The following GSAP variants were observed in gnomAD, a reference collection of about 807,000 sequenced individuals.
The protein encoded by GSAP is gamma-secretase activating protein, also known as gamma-secretase-activating protein.
Under a neutral mutation model 131.7 loss-of-function variants are expected in GSAP, and 118 were observed. The ratio of observed to expected loss-of-function variants is 0.90; its 90% confidence interval spans 0.77 to 1.04. GSAP has a LOEUF of 1.04. Among genes scored for constraint, GSAP ranks in the 50% least tolerant of loss-of-function variants. The pLI is 0.00. For synonymous variants in GSAP, 381 were observed against 363.4 expected (o/e 1.05, Z -0.55); for missense variants, 1,019 against 1,013.2 (o/e 1.01, Z -0.08).
At chr7:77,331,271 A>G (rs528323061) in intron 19 of GSAP, among the ~76,000 whole-genome samples, 72 of 152,376 alleles carry the variant, frequency 4.7e-4, no homozygotes, top group African/African-American at 1.7e-3. Flanking sequence ...ACTGCACTCC[A>G]GCCTGGGTGA....
intron 1 of GSAP, among the ~76,000 whole-genome samples, chr7:77,406,774 A>G (rs1037637803): frequency 6.6e-6 from 1 of 152,214 alleles, no homozygotes; most frequent in South Asian, 2.1e-4. Context: ...GACCCTCCCA[A>G]AAAGGTTCCT....
At chr7:77,342,372 TC>T (rs758254738) in intron 19 of GSAP, among the ~76,000 whole-genome samples, 8 of 152,104 alleles carry the variant, frequency 5.3e-5, no homozygotes, top group Non-Finnish European at 7.3e-5. Flanking sequence ...CCCTTAAAAC[TC>T]CCCCAACTCT....
chr7:77,326,469 G>C lies in GSAP; in HGVS notation c.1766-196C>G, dbSNP rs187271394. The C allele has an allele frequency of 1.0e-5, 5 of 482,432 alleles. No individual in the cohort carries two copies. In the Admixed American group the frequency reaches 1.6e-4, roughly 15 times the overall value. The allele number at this position is 482,432 out of a possible 1,614,324, so 29.9% of individuals were successfully genotyped here. On this transcript the variant is annotated intron_variant, in intron 22 of 30. Transcript: ENST00000257626. Reference sequence around the variant, plus strand: ...GAGCTGTGTGAAACAGGGAATGACCGAGAAAGAAAGAAACCAACACATTCC... The same window carrying C: ...GAGCTGTGTGAAACAGGGAATGACCCAGAAAGAAAGAAACCAACACATTCC...
chr7:77,395,140 G>A (rs1271385310), intron 5 of GSAP, among the ~76,000 whole-genome samples: 1 of 151,760 alleles, frequency 6.6e-6, no homozygotes, highest in Non-Finnish European at 1.5e-5. Flanking sequence ...CTACTGTTCT[G>A]TGTGACAGTC....
At chr7:77,386,073 G>A (rs1007850704) in intron 6 of GSAP, among the ~76,000 whole-genome samples, 3 of 152,120 alleles carry the variant, frequency 2.0e-5, no homozygotes, top group East Asian at 1.9e-4. Context: ...TACAAAGGGA[G>A]TTGATCATAA....
chr7:77,384,561 T>A (rs1798268646), intron 6 of GSAP, among the ~76,000 whole-genome samples: 2 of 152,152 alleles, frequency 1.3e-5, no homozygotes, highest in African/African-American at 4.8e-5. Context: ...TATTGGTCTT[T>A]GGAGGTCTGT....
chr7:77,402,517 C>T (rs913101209), intron 3 of GSAP, among the ~76,000 whole-genome samples: 2 of 141,324 alleles, frequency 1.4e-5, no homozygotes, highest in Non-Finnish European at 3.0e-5. Flanking sequence ...TTTGCTTGAA[C>T]CCAGGAGGCG....
In GSAP at chr7:77,339,621, A is replaced by C. The variant is rs576794863; in HGVS notation, c.1546-9254T>G. On this transcript the variant is annotated intron_variant, in intron 19 of 30. Transcript: ENST00000257626. The stretch of plus-strand genomic sequence containing the variant: ...AACAACTGTCTGCAGAGCCAAATAC[A>C]AAAGCTATGGGTAGAGGAGAAAAAC... Among the ~76,000 whole-genome samples the C allele has an allele frequency of 8.5e-5, 13 of 152,296 alleles. No individual in the cohort carries two copies. The East Asian group carries it at 2.3e-3, about 27-fold the overall frequency.
intron 8 of GSAP, among the ~76,000 whole-genome samples, chr7:77,377,613 T>C (rs2151014536): frequency 6.6e-6 from 1 of 152,294 alleles, no homozygotes; most frequent in East Asian, 1.9e-4. Flanking sequence ...TAATATATGA[T>C]TTTATTCCTG....
chr7:77,408,196 T>C (rs1436634455), intron 1 of GSAP, among the ~76,000 whole-genome samples: 2 of 152,262 alleles, frequency 1.3e-5, no homozygotes, highest in Non-Finnish European at 2.9e-5. Context: ...ACTTGTGTCC[T>C]TGTCTATATG....
At chr7:77,344,679 G>A (rs1791521855) in intron 19 of GSAP, among the ~76,000 whole-genome samples, 1 of 152,124 alleles carries the variant, frequency 6.6e-6, no homozygotes, top group African/African-American at 2.4e-5. Flanking sequence ...CTCCCTTTTA[G>A]AGTGGATAGA....
At chr7:77,402,381 TAAAA>T (rs1180045969) in intron 3 of GSAP, among the ~76,000 whole-genome samples, 12 of 92,038 alleles carry the variant, frequency 1.3e-4, no homozygotes, top group African/African-American at 4.7e-4. Context: ...CCATCTCTAC[TAAAA>T]AAAAAAAAAG....
At chr7:77,359,336 G>T (rs1025627370) in intron 14 of GSAP, among the ~76,000 whole-genome samples, 2 of 152,122 alleles carry the variant, frequency 1.3e-5, no homozygotes, top group African/African-American at 4.8e-5. Context: ...AATCAGAATT[G>T]CTGTAGGGAG....
chr7:77,411,158 A>C (rs539420233), intron 1 of GSAP, among the ~76,000 whole-genome samples: 5 of 151,720 alleles, frequency 3.3e-5, no homozygotes, highest in Non-Finnish European at 7.4e-5. Flanking sequence ...CTGGCCCCCA[A>C]ATCAATCTAG....
chr7:77,327,038 G>A (rs993489679), intron 22 of GSAP: 1 of 152,164 alleles, frequency 6.6e-6, no homozygotes, highest in Non-Finnish European at 1.5e-5. Flanking sequence ...GACCCCCCGG[G>A]ATAAATCTTC....
chr7:77,397,057 T>C (rs762142627), intron 4 of GSAP, 22 bp from the exon 5 acceptor site: 2 of 1,522,590 alleles, frequency 1.3e-6, no homozygotes, highest in Non-Finnish European at 1.8e-6. Context: ...AGAAAAAAAA[T>C]CCATTAGCAA....
At chr7:77,350,427 TAAAAAA>T (rs751767423) in intron 18 of GSAP, among the ~76,000 whole-genome samples, 1 of 133,654 alleles carries the variant, frequency 7.5e-6, no homozygotes, top group Non-Finnish European at 1.6e-5. Flanking sequence ...GTATAATAAT[TAAAAAA>T]AAAAAAAAAG....
At chr7:77,413,759 AAG>A (rs1440963400) in intron 1 of GSAP, among the ~76,000 whole-genome samples, 2 of 152,212 alleles carry the variant, frequency 1.3e-5, no homozygotes, top group African/African-American at 4.8e-5. Flanking sequence ...GGATGAGAGA[AAG>A]AAATAGAATC....
Position 77,360,900 on chromosome 7 carries a change from T to C in GSAP, c.951A>G (p.Gly317=). The part of the protein sequence containing the change: ...ITYSVFYIHK[G]HSKTFTTSLE... Reference sequence around the variant, plus strand: ...GAGAAGTGGTGAAGGTCTTGCTGTGTCCTGCAAAGAGAGAATATGAAGCCA... The same window carrying C: ...GAGAAGTGGTGAAGGTCTTGCTGTGCCCTGCAAAGAGAGAATATGAAGCCA... The change falls in exon 14 of 31, where the codon GGA becomes GGG. Residue 317 remains glycine, a splice_region_variant and synonymous_variant. Coordinates refer to ENST00000257626, the MANE Select transcript of GSAP (RefSeq NM_017439.4). The C allele has an allele frequency of 6.3e-7, 1 of 1,574,900 alleles. No individual in the cohort carries two copies. The highest frequency in any genetic ancestry group is 8.7e-7 in the Non-Finnish European group (1 of 1,144,786).
Sources: gnomAD v4.1 joint callset for allele counts (sites outside exome capture counted in the v4.1 genomes callset) on GRCh38, gnomAD v4.1.1 for gene constraint, MANE v1.5 for transcripts, NCBI Gene and HGNC (gene_info 2026-07-23, HGNC 2026-07-21) for gene names.